The following DGLUCY variants were observed in gnomAD, a reference collection of about 807,000 sequenced individuals.
DGLUCY encodes the protein D-glutamate cyclase, mitochondrial.
DGLUCY carries 58 observed loss-of-function variants against 58.5 expected under a neutral mutation model. The observed-to-expected ratio is 0.99, with a 90% CI of 0.80 to 1.23. The LOEUF (loss-of-function observed/expected upper bound fraction) is 1.23. Ranked by LOEUF, DGLUCY falls within the 50% of genes most tolerant of loss-of-function variation. The probability of loss-of-function intolerance (pLI) is 0.00; values close to 1 mark genes in which losing one functional copy is unlikely to be tolerated. For synonymous variants in DGLUCY, 325 were observed against 314.1 expected (o/e 1.03, Z -0.37); for missense variants, 779 against 784.7 (o/e 0.99, Z 0.09).
chr14:91,158,500 A>G (rs954087279), intron 2 of DGLUCY, among the ~76,000 whole-genome samples: 7 of 152,234 alleles, frequency 4.6e-5, no homozygotes, highest in African/African-American at 7.2e-5. Context: ...CTTTGTTAAA[A>G]TGGCCCTGGG....
At chr14:91,081,076 G>A (rs1001603497) in intron 1 of DGLUCY, among the ~76,000 whole-genome samples, 3 of 152,150 alleles carry the variant, frequency 2.0e-5, no homozygotes, top group Admixed American at 1.3e-4. Context: ...GGCGGCATGC[G>A]CCTGTAGTCC....
intron 3 of DGLUCY, among the ~76,000 whole-genome samples, chr14:91,161,215 C>T (rs900368028): frequency 1.4e-4 from 22 of 152,280 alleles, no homozygotes; most frequent in Non-Finnish European, 2.9e-4. Context: ...GGACTACAGG[C>T]GCCCGCCACC....
At chr14:91,176,510 C>A (rs2048861873) in intron 7 of DGLUCY, among the ~76,000 whole-genome samples, 1 of 152,186 alleles carries the variant, frequency 6.6e-6, no homozygotes, top group African/African-American at 2.4e-5. Context: ...AGGCGTGAGT[C>A]ATCGCGCCTG....
chr14:91,109,769 A>C (rs999228817), upstream of DGLUCY, among the ~76,000 whole-genome samples: 5 of 152,118 alleles, frequency 3.3e-5, no homozygotes, highest in African/African-American at 4.8e-5. Flanking sequence ...ACCTCCCAAA[A>C]ACCCATCTCC....
chr14:91,066,259 T>G (rs1314178182), intron 1 of DGLUCY, among the ~76,000 whole-genome samples: 2 of 151,480 alleles, frequency 1.3e-5, no homozygotes, highest in Non-Finnish European at 2.9e-5. Flanking sequence ...ATGCCTGTAA[T>G]CCCAGCCACC....
At chr14:91,198,531 G>A (rs2050359381) in intron 10 of DGLUCY, among the ~76,000 whole-genome samples, 1 of 151,716 alleles carries the variant, frequency 6.6e-6, no homozygotes, top group Admixed American at 6.6e-5. Flanking sequence ...ATTTTTAGTG[G>A]AGACAAGGTT....
intron 3 of DGLUCY, among the ~76,000 whole-genome samples, chr14:91,161,261 G>A (rs542647192): frequency 4.2e-4 from 64 of 152,222 alleles, no homozygotes; most frequent in African/African-American, 1.3e-3. Context: ...TAGTAGAGAC[G>A]GGGTTTCACC....
intron 1 of DGLUCY, among the ~76,000 whole-genome samples, chr14:91,099,407 C>T (rs2044447438): frequency 6.6e-6 from 1 of 152,020 alleles, no homozygotes; most frequent in South Asian, 2.1e-4. Context: ...GGAGCATAAA[C>T]ATGTAGTCCC....
At chr14:91,160,216 C>T (rs1218878258) in intron 2 of DGLUCY, 50 bp from the exon 3 acceptor site, 1 of 1,152,102 alleles carries the variant, frequency 8.7e-7, no homozygotes, top group African/African-American at 1.5e-5. Context: ...AATCTGCTGC[C>T]TTCAGGGGGC....
chr14:91,090,473 G>A (rs748149053), intron 1 of DGLUCY, among the ~76,000 whole-genome samples: 3 of 152,086 alleles, frequency 2.0e-5, no homozygotes, highest in Non-Finnish European at 4.4e-5. Context: ...TTGGCCATAA[G>A]CATCCTTCCT....
chr14:91,063,854 C>T (rs980826915), intron 1 of DGLUCY, among the ~76,000 whole-genome samples: 1 of 152,132 alleles, frequency 6.6e-6, no homozygotes, highest in East Asian at 1.9e-4. Context: ...ATGATATAAT[C>T]GTGGTAGTAT....
At chr14:91,065,808 C>G (rs2140017072) in intron 1 of DGLUCY, among the ~76,000 whole-genome samples, 1 of 152,104 alleles carries the variant, frequency 6.6e-6, no homozygotes, top group East Asian at 1.9e-4. Context: ...GGGTGCGGGG[C>G]TTGAGTGATT....
At chr14:91,064,830 T>C (rs11159988) in intron 1 of DGLUCY, among the ~76,000 whole-genome samples, 44,436 of 151,764 alleles carry the variant, frequency 0.29, 6,585 homozygotes, top group Middle Eastern at 0.32. Context: ...GTACCACTGA[T>C]GACAATATCC....
At chr14:91,186,774 A>G (rs2049549403) in intron 8 of DGLUCY, among the ~76,000 whole-genome samples, 1 of 152,120 alleles carries the variant, frequency 6.6e-6, no homozygotes, top group Non-Finnish European at 1.5e-5. Flanking sequence ...GCACTGCTCC[A>G]GTGTCCACTC....
At chr14:91,158,794 A>C (rs1024035981) in intron 2 of DGLUCY, 4 of 151,720 alleles carry the variant, frequency 2.6e-5, no homozygotes, top group African/African-American at 9.7e-5. Flanking sequence ...CAATGTGGTT[A>C]TCTAGCTCTA....
At chr14:91,196,316 T>C in intron 9 of DGLUCY, 59 bp from the exon 10 acceptor site, 2 of 1,439,790 alleles carry the variant, frequency 1.4e-6, no homozygotes, top group East Asian at 4.6e-5. Flanking sequence ...AAAGCCAACG[T>C]GAATTTCCAA....
At chr14:91,223,481 GGAA>G (rs1010823458) in intron 13 of DGLUCY, among the ~76,000 whole-genome samples, 6 of 152,166 alleles carry the variant, frequency 3.9e-5, no homozygotes, top group Non-Finnish European at 5.9e-5. Context: ...AGGAGGAGGA[GGAA>G]GAAGAAGAAG....
rs148932665 is a variant in DGLUCY, at chr14:91,170,074, A to G, written c.329A>G (p.Tyr110Cys). 6.0e-5 allele frequency: 96 copies of G among 1,612,378 alleles called. No homozygotes were observed. Among genetic ancestry groups the G allele is most frequent in the Non-Finnish European group, 8.0e-5 (94 of 1,179,990 alleles). The change falls in exon 5 of 14, where the codon TAC becomes TGC. Residue 110 changes from tyrosine to cysteine, a missense_variant. Physicochemically the swap from Tyr to Cys is radical, Grantham distance 194 (BLOSUM62 -2). Coordinates refer to ENST00000256324, the MANE Select transcript of DGLUCY (RefSeq NM_001102368.3). ...GGCAGCCTGGCTTCGCTGGAGCAGTACTCGGAGCAGCTGAAGGACATGGTG... is the reference window on the plus strand; with the variant it reads ...GGCAGCCTGGCTTCGCTGGAGCAGTGCTCGGAGCAGCTGAAGGACATGGTG... ...CTGSLASLEQ[Y>C]SEQLKDMVAF...
At chr14:91,096,032 A>G (rs936845197) in intron 1 of DGLUCY, among the ~76,000 whole-genome samples, 2 of 152,140 alleles carry the variant, frequency 1.3e-5, no homozygotes, top group African/African-American at 4.8e-5. Flanking sequence ...GTATAACTCA[A>G]AGGAATGACA....
Sources: gnomAD v4.1 joint callset for allele counts (sites outside exome capture counted in the v4.1 genomes callset) on GRCh38, gnomAD v4.1.1 for gene constraint, MANE v1.5 for transcripts, NCBI Gene and HGNC (gene_info 2026-07-23, HGNC 2026-07-21) for gene names.